Variants in GALNT1 observed in about 807,000 individuals in gnomAD.
GALNT1 encodes the protein polypeptide N-acetylgalactosaminyltransferase 1.
A neutral mutation model predicts 65.7 loss-of-function variants in GALNT1; 17 were observed. The ratio of observed to expected loss-of-function variants is 0.26; its 90% CI spans 0.18 to 0.39. GALNT1 has a LOEUF of 0.39. Among genes scored for constraint, GALNT1 ranks in the 10% least tolerant of loss-of-function variants. GALNT1 has a pLI of 1.00. For synonymous variants in GALNT1, 210 were observed against 219.7 expected, an observed-to-expected ratio of 0.96 and a Z score of 0.39; for missense variants, 460 against 672.8, an observed-to-expected ratio of 0.68 and a Z score of 3.50.
chr18:35,681,477 A>T (rs1197400751), intron 4 of GALNT1, among the ~76,000 whole-genome samples: 5 of 150,858 alleles, frequency 3.3e-5, no homozygotes, highest in Non-Finnish European at 7.4e-5. Flanking sequence ...ACCCGACCAC[A>T]GAATCATGCA....
At chr18:35,663,909 C>A in intron 3 of GALNT1, 107 bp downstream of exon 3, 1 of 955,382 alleles carries the variant, frequency 1.0e-6, no homozygotes, top group Non-Finnish European at 1.6e-6. Flanking sequence ...TGTTATATCA[C>A]TATGTTACTA....
chr18:35,638,584 G>A (rs546329212), intron 1 of GALNT1, among the ~76,000 whole-genome samples: 6 of 152,204 alleles, frequency 3.9e-5, no homozygotes, highest in South Asian at 2.1e-4. Flanking sequence ...TAACCTAAGC[G>A]TTCAGGCACA....
At chr18:35,581,939 C>T (rs1430663368) in intron 1 of GALNT1, 77 bp downstream of exon 1, 1 of 151,730 alleles carries the variant, frequency 6.6e-6, no homozygotes, top group African/African-American at 2.4e-5. Flanking sequence ...AAAGAGGCCC[C>T]GCCGCGGCCG....
intron 4 of GALNT1, among the ~76,000 whole-genome samples, chr18:35,681,040 A>C (rs186864399): frequency 6.6e-6 from 1 of 152,174 alleles, no homozygotes; most frequent in Admixed American, 6.5e-5. Context: ...AGTTAGATTT[A>C]TTAGATTCTG....
intron 1 of GALNT1, among the ~76,000 whole-genome samples, chr18:35,652,257 T>C (rs2144373541): frequency 6.6e-6 from 1 of 152,238 alleles, no homozygotes; most frequent in Admixed American, 6.5e-5. Context: ...AGTGGCCTCG[T>C]CCTAAGAGCC....
At chr18:35,610,904 T>C (rs893347691) in intron 1 of GALNT1, among the ~76,000 whole-genome samples, 1 of 152,186 alleles carries the variant, frequency 6.6e-6, no homozygotes, top group East Asian at 1.9e-4. Context: ...ATTCAGTCTA[T>C]TGATACTGCA....
intron 1 of GALNT1, among the ~76,000 whole-genome samples, chr18:35,639,657 A>C (rs1161440046): frequency 6.6e-6 from 1 of 152,064 alleles, no homozygotes; most frequent in Non-Finnish European, 1.5e-5. Flanking sequence ...TTTGAGAAAC[A>C]TTTTTGGAAT....
intron 3 of GALNT1, among the ~76,000 whole-genome samples, chr18:35,666,977 T>C (rs538592660): frequency 2.6e-5 from 4 of 152,286 alleles, no homozygotes; most frequent in African/African-American, 9.6e-5. Context: ...CTTTTTATTA[T>C]GGAAAATTTC....
intron 11 of GALNT1, 138 bp from the exon 12 acceptor site, chr18:35,709,486 A>T: frequency 1.3e-6 from 1 of 745,632 alleles, no homozygotes; most frequent in Non-Finnish European, 2.1e-6. Context: ...CCACCTACCT[A>T]CCTTTTCTCC....
At chr18:35,630,187 T>A (rs1249105290) in intron 1 of GALNT1, among the ~76,000 whole-genome samples, 1 of 152,098 alleles carries the variant, frequency 6.6e-6, no homozygotes, top group Non-Finnish European at 1.5e-5. Context: ...TGAACTCAGC[T>A]CTGCACCAAG....
At chr18:35,656,944 A>G (rs2047397437) in intron 2 of GALNT1, among the ~76,000 whole-genome samples, 1 of 152,216 alleles carries the variant, frequency 6.6e-6, no homozygotes, top group Admixed American at 6.5e-5. Context: ...CTGGGGGGCC[A>G]TCGAATGTAG....
chr18:35,679,707 A>G lies in GALNT1; in HGVS notation c.481+1950A>G, dbSNP rs376451724. ...ATTTCCGGTATCTGGGAGACAGTAG[A>G]TCTTTGTTTTTGTGGTTATAATTTG... is the stretch of plus-strand genomic sequence containing the variant. On this transcript the variant is annotated intron_variant, in intron 4 of 11. Coordinates refer to ENST00000269195, the MANE Select transcript of GALNT1 (RefSeq NM_020474.4). Among the ~76,000 whole-genome samples the G allele has an allele frequency of 2.4e-4, 37 of 151,914 alleles. No homozygotes were observed. In the East Asian group the frequency reaches 3.7e-3, roughly 15 times the overall value.
chr18:35,708,709 C>CT (rs1568039196), intron 11 of GALNT1, among the ~76,000 whole-genome samples: 1 of 151,274 alleles, frequency 6.6e-6, no homozygotes, highest in Non-Finnish European at 1.5e-5. Flanking sequence ...TGTTAACTAT[C>CT]TATCTGTTAA....
At chr18:35,599,018 G>A (rs1275536305) in intron 1 of GALNT1, among the ~76,000 whole-genome samples, 8 of 136,442 alleles carry the variant, frequency 5.9e-5, no homozygotes, top group African/African-American at 8.2e-5. Flanking sequence ...TCATGTACGT[G>A]TTGGCTATTT....
intron 1 of GALNT1, chr18:35,596,592 T>A (rs1423924127): frequency 6.6e-6 from 1 of 152,192 alleles, no homozygotes. Flanking sequence ...TTTTCTTTCT[T>A]TATTTTTTTA....
chr18:35,645,324 A>G (rs2047217091), intron 1 of GALNT1, among the ~76,000 whole-genome samples: 1 of 139,602 alleles, frequency 7.2e-6, no homozygotes, highest in African/African-American at 2.7e-5. Context: ...TCTGCCTCCC[A>G]GGTCACACCA....
chr18:35,657,954 T>C (rs944464175), intron 2 of GALNT1, among the ~76,000 whole-genome samples: 5 of 152,140 alleles, frequency 3.3e-5, no homozygotes, highest in Admixed American at 2.0e-4. Flanking sequence ...GGAGGAATAC[T>C]TGAAAGAACA....
chr18:35,628,573 C>T (rs2046954340), intron 1 of GALNT1, among the ~76,000 whole-genome samples: 2 of 152,078 alleles, frequency 1.3e-5, no homozygotes, highest in African/African-American at 2.4e-5. Flanking sequence ...CTGTACATCA[C>T]CATCATCAAA....
chr18:35,584,761 TCA>T (rs1480556808), intron 1 of GALNT1, among the ~76,000 whole-genome samples: 1 of 152,194 alleles, frequency 6.6e-6, no homozygotes, highest in Non-Finnish European at 1.5e-5. Context: ...TATGTAAAAT[TCA>T]CAGTAGTGTT....
Sources: allele counts gnomAD v4.1 joint callset (sites outside exome capture counted in the v4.1 genomes callset), GRCh38; gene constraint gnomAD v4.1.1; transcripts MANE v1.5; gene names NCBI Gene and HGNC (gene_info 2026-07-23, HGNC 2026-07-21).